Variants in MICB observed in about 807,000 individuals in gnomAD.
The protein encoded by MICB is MHC class I polypeptide-related sequence B.
A neutral mutation model predicts 34.3 loss-of-function variants in MICB; 27 were observed. The observed-to-expected ratio is 0.79, with a 90% CI of 0.58 to 1.08. The LOEUF (loss-of-function observed/expected upper bound fraction) is 1.08, where lower values mean the gene tolerates loss of function less well. Ranked by LOEUF, MICB falls within the 50% of genes least tolerant of loss-of-function variation. MICB has a pLI of 0.00. For synonymous variants in MICB, 153 were observed against 187.4 expected (o/e 0.82, Z 1.50); for missense variants, 426 against 483.1 (o/e 0.88, Z 1.11).
intron 1 of MICB, among the ~76,000 whole-genome samples, chr6:31,500,046 C>T (rs1764937010): frequency 6.6e-6 from 1 of 151,876 alleles, no homozygotes; most frequent in South Asian, 2.1e-4. Flanking sequence ...TCTCCCCTCC[C>T]CAACCCAGAC....
upstream of MICB, among the ~76,000 whole-genome samples, chr6:31,496,534 G>GT (rs1764674101): frequency 6.6e-6 from 1 of 151,702 alleles, no homozygotes; most frequent in African/African-American, 2.4e-5. Context: ...GCCCAGCTAA[G>GT]TTTTTTGTAT....
In MICB at chr6:31,508,455, G is replaced by A. The variant is rs573594793; in HGVS notation, c.1024+924G>A. On this transcript the variant is annotated intron_variant, in intron 5 of 5. Coordinates refer to ENST00000252229, the MANE Select transcript of MICB (RefSeq NM_005931.5). ...GGTGTCCAGGAGACCTGAGTCTGGC[G>A]GTAGGGGCGCTGGTTTCTCATCCTT... Among the ~76,000 whole-genome samples the A allele has an allele frequency of 1.3e-4, 20 of 152,322 alleles. No homozygotes were observed. In the East Asian group the frequency reaches 3.3e-3, roughly 25 times the overall value.
intron 1 of MICB, 107 bp from the exon 2 acceptor site, chr6:31,505,510 G>A (rs1765253700): frequency 5.3e-6 from 8 of 1,500,498 alleles, no homozygotes; most frequent in Admixed American, 2.0e-5. Flanking sequence ...TTGCCCATGC[G>A]CATTTCCTGC....
chr6:31,502,064 G>A (rs772518651), intron 1 of MICB, among the ~76,000 whole-genome samples: 6 of 152,144 alleles, frequency 3.9e-5, no homozygotes, highest in Non-Finnish European at 7.3e-5. Context: ...GGCTGGGCAC[G>A]GTGGCTCACT....
chr6:31,497,319 T>A (rs1180185716), upstream of MICB, among the ~76,000 whole-genome samples: 1 of 152,052 alleles, frequency 6.6e-6, no homozygotes, highest in Non-Finnish European at 1.5e-5. Context: ...TCCTTGTAGA[T>A]CTGTCATATT....
Position 31,507,488 on chromosome 6 carries a change from T to C in MICB, c.981T>C (p.Cys327=). 6.2e-7 allele frequency: 1 copy of C among 1,614,226 alleles called. No individual in the cohort carries two copies. The highest frequency in any genetic ancestry group is 1.1e-5 in the South Asian group (1 of 91,080). Residue 327 remains cysteine, a synonymous_variant, in exon 5 of 6, where the codon TGT becomes TGC. Coordinates refer to ENST00000252229, the MANE Select transcript of MICB (RefSeq NM_005931.5). The surrounding 1 kb of genome is among the most constrained non-coding windows in gnomAD (Gnocchi z 6.0). ...MPCFVIIIIL[C]VPCCKKKTSA... ...GTTTTGTTATTATTATTATTCTCTG[T>C]GTCCCTTGTTGCAAGAAGAAAACAT... is the stretch of plus-strand genomic sequence containing the variant.
chr6:31,499,587 C>T (rs535237438), intron 1 of MICB, among the ~76,000 whole-genome samples: 2 of 152,258 alleles, frequency 1.3e-5, no homozygotes, highest in African/African-American at 4.8e-5. Flanking sequence ...CTCCAGACCC[C>T]CAAGGAGAGC....
At position 31,506,443 on chromosome 6, in the gene MICB, G is replaced by C; in HGVS notation, c.613+13G>C. On this transcript the variant is annotated intron_variant, in intron 3 of 5. Transcript: ENST00000252229. The stretch of plus-strand genomic sequence containing the variant: ...ATCAGGAGAACAGGTACCGACCCTG[G>C]CCAGGGGCTCTACTGTTCCCGCAAT... 6.2e-7 allele frequency: 1 copy of C among 1,610,600 alleles called. No homozygotes were observed. The highest frequency in any genetic ancestry group is 1.1e-5 in the South Asian group (1 of 90,826).
intron 1 of MICB, among the ~76,000 whole-genome samples, chr6:31,502,653 T>C (rs1221393080): frequency 2.0e-5 from 3 of 152,244 alleles, no homozygotes; most frequent in African/African-American, 7.2e-5. Context: ...GTGGAGTCTT[T>C]AGGTTTTCCA....
upstream of MICB, among the ~76,000 whole-genome samples, chr6:31,497,238 C>T (rs1007659892): frequency 3.9e-5 from 6 of 152,004 alleles, no homozygotes; most frequent in Non-Finnish European, 8.8e-5. Flanking sequence ...CAGAAGGGAC[C>T]AAGGATGGTG....
intron 1 of MICB, among the ~76,000 whole-genome samples, chr6:31,500,247 T>C (rs4947320): frequency 0.34 from 50,688 of 150,934 alleles, 8,601 homozygotes; most frequent in East Asian, 0.46. Flanking sequence ...TCTCCCCCTC[T>C]ACCTTGGTTT....
At chr6:31,504,926 A>G (rs1246068109) in intron 1 of MICB, among the ~76,000 whole-genome samples, 3 of 152,174 alleles carry the variant, frequency 2.0e-5, no homozygotes, top group Non-Finnish European at 4.4e-5. Context: ...TGCTGAAAAG[A>G]TGGACTTACT....
At chr6:31,503,388 G>A (rs1021695629) in intron 1 of MICB, among the ~76,000 whole-genome samples, 10 of 150,600 alleles carry the variant, frequency 6.6e-5, no homozygotes, top group African/African-American at 2.2e-4. Context: ...GTGTATACTC[G>A]GTGGCATTAG....
At chr6:31,502,575 T>A (rs2855809) in intron 1 of MICB, among the ~76,000 whole-genome samples, 99,193 of 151,940 alleles carry the variant, frequency 0.65, 32,537 homozygotes, top group Middle Eastern at 0.73. Context: ...AGTGCTATTG[T>A]TTTTTGCATG....
upstream of MICB, among the ~76,000 whole-genome samples, chr6:31,495,181 G>A (rs1467867457): frequency 6.6e-6 from 1 of 152,144 alleles, no homozygotes; most frequent in Admixed American, 6.5e-5. Flanking sequence ...CCCAGGGGAG[G>A]ACTGGCTTCA....
upstream of MICB, chr6:31,498,021 A>C: frequency 2.6e-6 from 1 of 385,270 alleles, no homozygotes; most frequent in Non-Finnish European, 4.7e-6. Flanking sequence ...TTCTCTTCTG[A>C]ACGTGGCCCC....
intron 1 of MICB, among the ~76,000 whole-genome samples, chr6:31,504,254 CTTTTTTTT>C (rs9281513): frequency 1.7e-5 from 1 of 60,268 alleles, no homozygotes; most frequent in African/African-American, 6.7e-5. Flanking sequence ...CTCTCTTTTT[CTTTTTTTT>C]TTTTTTTTTT....
chr6:31,505,987 G>T, intron 2 of MICB, 116 bp downstream of exon 2: 2 of 1,480,946 alleles, frequency 1.4e-6, no homozygotes, highest in South Asian at 2.7e-5. Context: ...TGAGGAATAG[G>T]GTCAGGGAGG....
At chr6:31,498,985 A>C (rs993023302) in intron 1 of MICB, among the ~76,000 whole-genome samples, 3 of 150,356 alleles carry the variant, frequency 2.0e-5, no homozygotes, top group African/African-American at 5.0e-5. Flanking sequence ...CTGGGGGCGG[A>C]TCTCAGGTCC....
Sources: gnomAD v4.1 joint callset for allele counts (sites outside exome capture counted in the v4.1 genomes callset) on GRCh38, gnomAD v4.1.1 for gene constraint, Gnocchi (gnomAD v3.1) non-coding constraint, MANE v1.5 for transcripts, NCBI Gene and HGNC (gene_info 2026-07-23, HGNC 2026-07-21) for gene names.